The following KLF12 variants were observed in gnomAD, a reference collection of about 807,000 sequenced individuals.
The protein encoded by KLF12 is Krueppel-like factor 12.
In KLF12, 9 loss-of-function variants were observed where a neutral mutation model predicts 37.8. The ratio of observed to expected loss-of-function variants is 0.24; its 90% CI spans 0.14 to 0.42. The LOEUF is 0.42. Among genes scored for constraint, KLF12 ranks in the 10% least tolerant of loss-of-function variants. KLF12 has a pLI of 1.00. For missense variants in KLF12, 411 were observed against 516.0 expected (o/e 0.80, Z 1.97); for synonymous variants, 208 against 202.1 (o/e 1.03, Z -0.25).
the KLF12 span, among the ~76,000 whole-genome samples, chr13:74,208,855 A>AG: frequency 6.6e-6 from 1 of 152,138 alleles, no homozygotes; most frequent in South Asian, 2.1e-4. Context: ...GAAAGAGTGA[A>AG]GGGGCAGAGC....
intron 4 of KLF12, among the ~76,000 whole-genome samples, chr13:73,818,646 T>C (rs73216765): frequency 0.012 from 1,854 of 152,372 alleles, 19 homozygotes; most frequent in South Asian, 0.023. Flanking sequence ...ATTAAATGTG[T>C]ACGACACAAC....
At chr13:73,790,531 T>C (rs905062552) in intron 5 of KLF12, among the ~76,000 whole-genome samples, 1 of 152,204 alleles carries the variant, frequency 6.6e-6, no homozygotes, top group Non-Finnish European at 1.5e-5. Flanking sequence ...TTTACAGCAA[T>C]GAAAACCCAA....
Position 73,879,038 on chromosome 13 carries a change from G to A in KLF12, c.124-32665C>T, listed in dbSNP as rs537458481. Reference sequence around the variant, plus strand: ...TAAAAGGATCATTTTGGCTGTGATGGGGATAACAGACTGGAGAAAAACAAG... The same window carrying A: ...TAAAAGGATCATTTTGGCTGTGATGAGGATAACAGACTGGAGAAAAACAAG... On this transcript the variant is annotated intron_variant, in intron 3 of 7. Coordinates refer to ENST00000377669, the MANE Select transcript of KLF12 (RefSeq NM_007249.5). Among the ~76,000 whole-genome samples, 6 of 152,210 alleles carry A rather than the reference G, an allele frequency of 3.9e-5. No individual in the cohort carries two copies. In the South Asian group the frequency reaches 1.0e-3, roughly 26 times the overall value.
chr13:73,826,986 G>A (rs1041994827), intron 4 of KLF12, among the ~76,000 whole-genome samples: 3 of 152,042 alleles, frequency 2.0e-5, no homozygotes, highest in African/African-American at 7.3e-5. Flanking sequence ...TCACCACATT[G>A]CCCAGACTGA....
At chr13:73,831,878 C>T (rs1290170379) in intron 4 of KLF12, among the ~76,000 whole-genome samples, 3 of 152,268 alleles carry the variant, frequency 2.0e-5, no homozygotes, top group East Asian at 1.9e-4. Context: ...TATTGGGCAT[C>T]CATAAAAATC....
At chr13:74,255,325 G>T in the KLF12 span, among the ~76,000 whole-genome samples, 1 of 152,182 alleles carries the variant, frequency 6.6e-6, no homozygotes, top group Admixed American at 6.5e-5. Flanking sequence ...TCAGCACATT[G>T]CATGTGCCAG....
At chr13:74,144,437 A>G in the KLF12 span, among the ~76,000 whole-genome samples, 1 of 152,226 alleles carries the variant, frequency 6.6e-6, no homozygotes, top group African/African-American at 2.4e-5. Context: ...CCACTACTAT[A>G]TAACTGCGTA....
chr13:73,880,346 G>C (rs1224027218), intron 3 of KLF12, among the ~76,000 whole-genome samples: 1 of 152,194 alleles, frequency 6.6e-6, no homozygotes, highest in Non-Finnish European at 1.5e-5. Context: ...GGCTAACGAA[G>C]AGTTAAATGA....
At chr13:73,697,484 T>C (rs988226230) in intron 7 of KLF12, among the ~76,000 whole-genome samples, 7 of 152,190 alleles carry the variant, frequency 4.6e-5, no homozygotes. Flanking sequence ...TGACCAAAGT[T>C]TGACAGAAAT....
At chr13:74,286,855 T>C in the KLF12 span, among the ~76,000 whole-genome samples, 1 of 152,216 alleles carries the variant, frequency 6.6e-6, no homozygotes, top group African/African-American at 2.4e-5. Context: ...ATGAGTTTTA[T>C]GTCTCTGTCT....
At chr13:73,984,667 A>G (rs1891776911) in intron 2 of KLF12, among the ~76,000 whole-genome samples, 1 of 152,194 alleles carries the variant, frequency 6.6e-6, no homozygotes, top group Non-Finnish European at 1.5e-5. Flanking sequence ...TCCTACCATC[A>G]TAGGAGGTCA....
intron 5 of KLF12, among the ~76,000 whole-genome samples, chr13:73,781,774 C>G (rs990939451): frequency 2.6e-5 from 4 of 151,974 alleles, no homozygotes; most frequent in Admixed American, 1.3e-4. Flanking sequence ...ATGTAATCAA[C>G]AACACACAAA....
At chr13:73,993,274 TC>T (rs1357869762) in intron 2 of KLF12, among the ~76,000 whole-genome samples, 1 of 152,164 alleles carries the variant, frequency 6.6e-6, no homozygotes, top group African/African-American at 2.4e-5. Flanking sequence ...TGCTCCTTTC[TC>T]CTTAAAGACT....
chr13:74,172,142 G>GACACACACACACACACACAC, the KLF12 span, among the ~76,000 whole-genome samples: 483 of 146,068 alleles, frequency 3.3e-3, 5 homozygotes, highest in African/African-American at 6.3e-3. Context: ...TTTTCCTCAC[G>GACACACACACACACACACAC]ACACACACAC....
chr13:73,974,256 T>C (rs536546795), intron 2 of KLF12, among the ~76,000 whole-genome samples: 2 of 150,502 alleles, frequency 1.3e-5, no homozygotes, highest in Non-Finnish European at 2.9e-5. Flanking sequence ...CCAGGAAAAA[T>C]TGTTACAGAA....
chr13:74,122,530 T>C (rs1231018936), intron 1 of KLF12, among the ~76,000 whole-genome samples: 1 of 152,080 alleles, frequency 6.6e-6, no homozygotes, highest in Non-Finnish European at 1.5e-5. Context: ...CTTGAATGGA[T>C]GGTCCTATCC....
intron 3 of KLF12, among the ~76,000 whole-genome samples, chr13:73,864,180 C>A (rs569088858): frequency 6.6e-6 from 1 of 152,108 alleles, no homozygotes; most frequent in African/African-American, 2.4e-5. Flanking sequence ...AATAGCAATT[C>A]AAGTTTAAGT....
At chr13:73,935,654 A>G (rs1332116201) in intron 3 of KLF12, among the ~76,000 whole-genome samples, 2 of 152,150 alleles carry the variant, frequency 1.3e-5, no homozygotes, top group East Asian at 3.9e-4. Flanking sequence ...TTTTTGAGAC[A>G]GAGTCTCGTG....
upstream of KLF12, among the ~76,000 whole-genome samples, chr13:74,137,400 A>G (rs906061071): frequency 2.0e-5 from 3 of 152,210 alleles, no homozygotes; most frequent in South Asian, 2.1e-4. Context: ...ATGATAACCC[A>G]TTTCCCTAAC....
Sources: gnomAD v4.1 joint callset for allele counts (sites outside exome capture counted in the v4.1 genomes callset) on GRCh38, gnomAD v4.1.1 for gene constraint, MANE v1.5 for transcripts, NCBI Gene and HGNC (gene_info 2026-07-23, HGNC 2026-07-21) for gene names.